The following MYRIP variants were observed in gnomAD, a reference collection of about 807,000 sequenced individuals.
MYRIP encodes the protein myosin VIIA and Rab interacting protein.
In MYRIP, 49 loss-of-function variants were observed where a neutral mutation model predicts 98.0. The observed-to-expected ratio is 0.50, with a 90% CI of 0.40 to 0.63. MYRIP has a LOEUF of 0.63. MYRIP is among the 30% of genes least tolerant of loss of function. The pLI is 0.00. For synonymous variants in MYRIP, 404 were observed against 409.5 expected (o/e 0.99, Z 0.16); for missense variants, 1,004 against 1,058.2 (o/e 0.95, Z 0.71).
chr3:40,160,278 T>C (rs1559427219), intron 4 of MYRIP, among the ~76,000 whole-genome samples: 1 of 152,186 alleles, frequency 6.6e-6, no homozygotes, highest in East Asian at 1.9e-4. Context: ...CTGCCCCTAC[T>C]GGGGGGTGCC....
At chr3:40,217,952 G>T (rs1156971487) in intron 11 of MYRIP, among the ~76,000 whole-genome samples, 1 of 152,066 alleles carries the variant, frequency 6.6e-6, no homozygotes, top group Non-Finnish European at 1.5e-5. Context: ...CAACTGAAAA[G>T]ATTATTAGAA....
intron 2 of MYRIP, among the ~76,000 whole-genome samples, chr3:39,995,924 G>C (rs571198350): frequency 1.6e-4 from 25 of 152,260 alleles, no homozygotes; most frequent in African/African-American, 5.8e-4. Flanking sequence ...TTCCTATCCA[G>C]CCAAACTAAG....
chr3:39,847,635 A>G (rs1464449578), intron 1 of MYRIP, among the ~76,000 whole-genome samples: 1 of 152,162 alleles, frequency 6.6e-6, no homozygotes, highest in Non-Finnish European at 1.5e-5. Flanking sequence ...TGATACCCAC[A>G]GAGATGATCC....
chr3:39,992,021 G>A (rs1345122120), intron 2 of MYRIP, among the ~76,000 whole-genome samples: 2 of 152,094 alleles, frequency 1.3e-5, no homozygotes, highest in Non-Finnish European at 2.9e-5. Flanking sequence ...GTGTAGAAGT[G>A]CAACTCTCTG....
At chr3:40,072,595 A>G (rs1428021409) in intron 3 of MYRIP, among the ~76,000 whole-genome samples, 1 of 152,156 alleles carries the variant, frequency 6.6e-6, no homozygotes, top group Non-Finnish European at 1.5e-5. Context: ...ACTCAATTCA[A>G]AATATATTCA....
chr3:40,232,262 C>T (rs889960492), intron 11 of MYRIP, among the ~76,000 whole-genome samples: 16 of 152,220 alleles, frequency 1.1e-4, no homozygotes, highest in Admixed American at 9.2e-4. Flanking sequence ...AGCCCTCTGG[C>T]ACATGTGTCC....
chr3:39,908,570 C>T (rs1179965422), intron 2 of MYRIP, among the ~76,000 whole-genome samples: 3 of 152,080 alleles, frequency 2.0e-5, no homozygotes, highest in Non-Finnish European at 4.4e-5. Flanking sequence ...CACAGAGACT[C>T]CTCTGAGGAT....
chr3:39,870,583 A>G (rs1438192636), intron 1 of MYRIP, among the ~76,000 whole-genome samples: 2 of 152,050 alleles, frequency 1.3e-5, no homozygotes, highest in Admixed American at 6.5e-5. Flanking sequence ...CTAAAAGGGC[A>G]TTTTCACTTA....
At chr3:39,838,056 T>A (rs1388679707) in intron 1 of MYRIP, among the ~76,000 whole-genome samples, 1 of 152,242 alleles carries the variant, frequency 6.6e-6, no homozygotes, top group East Asian at 1.9e-4. Context: ...TTTTGCACAT[T>A]GATTTTGTAT....
At position 40,134,489 on chromosome 3, in the gene MYRIP, C is replaced by A. The variant is rs190215700; in HGVS notation, c.333-16559C>A. Among the ~76,000 whole-genome samples the A allele has an allele frequency of 3.1e-3, 469 of 152,362 alleles. 5 individuals are homozygous for A. The highest frequency in any genetic ancestry group is 0.011 in the African/African-American group (457 of 41,592). On this transcript the variant is annotated intron_variant, in intron 3 of 16. Transcript: ENST00000302541. ...ACAGACAAACAAAAGACAGCAATAA[C>A]CTCTGCAGTCTTAAATGTCCCTGTC...
rs1177906799 is a variant in MYRIP at position 39,842,823 on chromosome 3, T to C, written c.-31+32907T>C. ...TAACCAGTCCCAATGAGATGAACCA[T>C]GTACCTCAGTTGGAAATGCAGAATT... On this transcript the variant is annotated intron_variant, in intron 1 of 16. Transcript: ENST00000302541. 2.6e-5 allele frequency among the ~76,000 whole-genome samples: 4 copies of C among 152,276 alleles called. No homozygotes were observed. In the East Asian group the frequency reaches 5.8e-4, roughly 22 times the overall value.
chr3:39,866,477 A>G (rs933910416), intron 1 of MYRIP, among the ~76,000 whole-genome samples: 7 of 151,776 alleles, frequency 4.6e-5, no homozygotes, highest in African/African-American at 1.7e-4. Flanking sequence ...AATAATAAAA[A>G]ATTTTTTTTT....
intron 1 of MYRIP, among the ~76,000 whole-genome samples, chr3:39,840,492 G>A (rs1055044804): frequency 2.0e-5 from 3 of 152,182 alleles, no homozygotes; most frequent in South Asian, 2.1e-4. Context: ...ATTGTTATGT[G>A]TGAATTTGAC....
intron 10 of MYRIP, among the ~76,000 whole-genome samples, chr3:40,204,932 C>T (rs544657637): frequency 5.3e-5 from 8 of 152,170 alleles, no homozygotes; most frequent in African/African-American, 1.4e-4. Context: ...ACCCCTTCCA[C>T]GGGCACCAGA....
intron 2 of MYRIP, among the ~76,000 whole-genome samples, chr3:39,931,327 G>A (rs368958939): frequency 2.7e-5 from 4 of 149,822 alleles, no homozygotes; most frequent in Middle Eastern, 6.9e-3. Flanking sequence ...TTACCATTTT[G>A]GCTTGTTCAT....
intron 10 of MYRIP, among the ~76,000 whole-genome samples, chr3:40,201,981 C>T (rs1951577303): frequency 6.6e-6 from 1 of 152,182 alleles, no homozygotes; most frequent in South Asian, 2.1e-4. Context: ...CTTGCCTCCA[C>T]CCTCTGAACA....
At chr3:40,097,794 G>A (rs540228028) in intron 3 of MYRIP, among the ~76,000 whole-genome samples, 2 of 152,266 alleles carry the variant, frequency 1.3e-5, no homozygotes, top group African/African-American at 2.4e-5. Context: ...GAACCCATTT[G>A]GTGGTCTCGT....
In MYRIP at chr3:40,189,881, C is replaced by A. The variant is rs775554230; in HGVS notation, c.1083C>A (p.Gly361=). ...GGAACTGGGTGGCCCTGAAGGATGGCGCTCCACCCCCCACCCGACTACTGG... is the reference window on the plus strand; with the variant it reads ...GGAACTGGGTGGCCCTGAAGGATGGAGCTCCACCCCCCACCCGACTACTGG... ...PDGNWVALKD[G]APPPTRLLAK... is the part of the protein sequence containing the mutation. Residue 361 remains glycine, a synonymous_variant, in exon 10 of 17, where the codon GGC becomes GGA. Transcript: ENST00000302541. 1.2e-6 allele frequency: 2 copies of A among 1,614,058 alleles called. No individual in the cohort carries two copies. The highest frequency in any genetic ancestry group is 2.2e-5 in the South Asian group (2 of 91,062).
chr3:39,872,333 T>G (rs1258065002), intron 1 of MYRIP, among the ~76,000 whole-genome samples: 2 of 150,894 alleles, frequency 1.3e-5, no homozygotes, highest in African/African-American at 4.9e-5. Flanking sequence ...TGTAAATATT[T>G]CTTTATTATT....
Sources: gnomAD v4.1 joint callset for allele counts (sites outside exome capture counted in the v4.1 genomes callset) on GRCh38, gnomAD v4.1.1 for gene constraint, MANE v1.5 for transcripts, NCBI Gene and HGNC (gene_info 2026-07-23, HGNC 2026-07-21) for gene names.